Variants in ZNF277 observed in about 807,000 individuals in gnomAD.
The protein encoded by ZNF277 is nuclear receptor-interacting factor 4.
Under a neutral mutation model 60.7 loss-of-function variants are expected in ZNF277, and 55 were observed. The observed-to-expected ratio is 0.91, with a 90% CI of 0.73 to 1.13. The LOEUF (loss-of-function observed/expected upper bound fraction) is 1.13. ZNF277 is among the 50% of genes most tolerant of loss of function. ZNF277 has a pLI of 0.00. For missense variants in ZNF277, 510 were observed against 523.0 expected (o/e 0.98, Z 0.24); for synonymous variants, 178 against 179.3 (o/e 0.99, Z 0.06).
At chr7:112,240,208 A>G (rs1790914464) in intron 1 of ZNF277, among the ~76,000 whole-genome samples, 1 of 152,196 alleles carries the variant, frequency 6.6e-6, no homozygotes. Flanking sequence ...GAAGACTACA[A>G]AACAATCAGA....
intron 6 of ZNF277, 136 bp from the exon 7 acceptor site, chr7:112,329,948 C>G: frequency 1.0e-6 from 1 of 1,003,168 alleles, no homozygotes; most frequent in Non-Finnish European, 1.4e-6. Context: ...AGGGGGGATT[C>G]TGACAAGGAT....
intron 1 of ZNF277, among the ~76,000 whole-genome samples, chr7:112,273,322 T>G (rs1449325578): frequency 3.9e-5 from 6 of 152,198 alleles, no homozygotes; most frequent in Admixed American, 2.6e-4. Context: ...TGCTTTCTGC[T>G]GTGACAGGGC....
rs75859463 is a variant in ZNF277, at chr7:112,283,014, G to T, written c.92-3859G>T. On this transcript the variant is annotated intron_variant, in intron 1 of 11. Transcript: ENST00000361822. ...ACAATGATTATATTAGTCATAGTGGGGTAGCAGGTTAATTCAGTGTACATG... is the reference window on the plus strand; with the variant it reads ...ACAATGATTATATTAGTCATAGTGGTGTAGCAGGTTAATTCAGTGTACATG... Among the ~76,000 whole-genome samples the T allele has an allele frequency of 5.8e-3, 884 of 152,272 alleles. 11 individuals are homozygous for T. The highest frequency in any genetic ancestry group is 0.02 in the African/African-American group (826 of 41,554).
At position 112,342,676 on chromosome 7, in the gene ZNF277, T is replaced by TCTAAAC; in HGVS notation, c.1301_1306dup (p.Lys435_Leu436insProLys). On this transcript the variant is annotated inframe_insertion, in exon 12 of 12. Coordinates refer to ENST00000361822, the MANE Select transcript of ZNF277 (RefSeq NM_021994.3). ...TGTTCCCATCATCAGTGAAGATACA[T>TCTAAAC]CTAAACTGTATGCTTTGAAACAAAG... 6.2e-7 allele frequency: 1 copy of TCTAAAC among 1,611,626 alleles called. No homozygotes were observed. The highest frequency in any genetic ancestry group is 8.5e-7 in the Non-Finnish European group (1 of 1,179,528).
chr7:112,274,688 G>GA, intron 1 of ZNF277, among the ~76,000 whole-genome samples: 1 of 152,226 alleles, frequency 6.6e-6, no homozygotes, highest in East Asian at 1.9e-4. Context: ...TCAGATAGGT[G>GA]ATTTACAATT....
At chr7:112,223,868 T>C (rs980425604) in intron 1 of ZNF277, among the ~76,000 whole-genome samples, 4 of 152,218 alleles carry the variant, frequency 2.6e-5, no homozygotes, top group Non-Finnish European at 4.4e-5. Flanking sequence ...CCTTGTCACA[T>C]TCAAAAGCAA....
intron 1 of ZNF277, among the ~76,000 whole-genome samples, chr7:112,245,007 G>A (rs922054393): frequency 1.3e-5 from 2 of 152,062 alleles, no homozygotes; most frequent in African/African-American, 2.4e-5. Context: ...TGAATACCTA[G>A]TTTATTGGCA....
chr7:112,212,982 A>G (rs371639109), intron 1 of ZNF277, among the ~76,000 whole-genome samples: 2 of 152,184 alleles, frequency 1.3e-5, no homozygotes, highest in Non-Finnish European at 2.9e-5. Flanking sequence ...GATAAGAATT[A>G]TAGAAACTAC....
intron 1 of ZNF277, among the ~76,000 whole-genome samples, chr7:112,275,180 A>G (rs1232855119): frequency 2.0e-5 from 3 of 152,126 alleles, no homozygotes; most frequent in Non-Finnish European, 2.9e-5. Context: ...TGCTCCTTCT[A>G]CTGGTAGTAA....
intron 1 of ZNF277, among the ~76,000 whole-genome samples, chr7:112,263,903 A>C (rs7812188): frequency 0.053 from 8,038 of 152,188 alleles, 311 homozygotes; most frequent in South Asian, 0.13. Context: ...CTCAGGCTTC[A>C]TGAAAGTTCA....
rs202247336 is a variant in ZNF277, at chr7:112,226,426, A to G, written c.91+19619A>G. 1.1e-4 allele frequency among the ~76,000 whole-genome samples: 16 copies of G among 152,322 alleles called. 1 individual carries two copies. In the East Asian group the frequency reaches 2.3e-3, roughly 22 times the overall value. ...AGGTATCACTGAAATTAATATTTAT[A>G]TAAACAAAACCTACCACTTTAGCAC... On this transcript the variant is annotated intron_variant, in intron 1 of 11. Transcript: ENST00000361822.
At chr7:112,282,885 A>G (rs184683034) in intron 1 of ZNF277, among the ~76,000 whole-genome samples, 46 of 152,338 alleles carry the variant, frequency 3.0e-4, no homozygotes, top group Admixed American at 1.6e-3. Context: ...CTTCATCTGT[A>G]AAACAGAGAT....
chr7:112,336,062 C>G (rs369996286), intron 7 of ZNF277, 42 bp from the exon 8 acceptor site: 5 of 1,544,044 alleles, frequency 3.2e-6, no homozygotes, highest in South Asian at 1.2e-5. Context: ...TCTCCCTTCT[C>G]TTTCCCCCAA....
At chr7:112,319,859 G>A (rs114781656) in intron 5 of ZNF277, among the ~76,000 whole-genome samples, 9 of 151,670 alleles carry the variant, frequency 5.9e-5, no homozygotes, top group South Asian at 2.1e-4. Flanking sequence ...AGGACTTTAC[G>A]GGCATAACAA....
intron 1 of ZNF277, among the ~76,000 whole-genome samples, chr7:112,265,257 A>T (rs1295643775): frequency 6.6e-6 from 1 of 152,088 alleles, no homozygotes; most frequent in Non-Finnish European, 1.5e-5. Context: ...GACAGACTTG[A>T]GACTCTTCAC....
At chr7:112,332,417 G>C (rs1158559592) in intron 7 of ZNF277, among the ~76,000 whole-genome samples, 1 of 152,132 alleles carries the variant, frequency 6.6e-6, no homozygotes, top group Admixed American at 6.5e-5. Flanking sequence ...TACTTATCCT[G>C]TGCATCAGTT....
chr7:112,256,944 A>G (rs1201305706), intron 1 of ZNF277, among the ~76,000 whole-genome samples: 1 of 152,206 alleles, frequency 6.6e-6, no homozygotes, highest in Non-Finnish European at 1.5e-5. Flanking sequence ...GGGAAATACA[A>G]AACAGTTCTA....
intron 1 of ZNF277, among the ~76,000 whole-genome samples, chr7:112,207,654 A>T (rs1482421308): frequency 2.1e-5 from 3 of 146,264 alleles, no homozygotes; most frequent in Non-Finnish European, 3.0e-5. Flanking sequence ...CATTCCCCCC[A>T]CCCCATTTTT....
intron 4 of ZNF277, among the ~76,000 whole-genome samples, chr7:112,299,791 G>T (rs1380878982): frequency 6.6e-6 from 1 of 152,086 alleles, no homozygotes; most frequent in Non-Finnish European, 1.5e-5. Flanking sequence ...TCAACTTGAG[G>T]ATCTCAACTC....
Sources: allele counts gnomAD v4.1 joint callset (sites outside exome capture counted in the v4.1 genomes callset), GRCh38; gene constraint gnomAD v4.1.1; transcripts MANE v1.5; gene names NCBI Gene and HGNC (gene_info 2026-07-23, HGNC 2026-07-21).